The following ACOXL variants were observed in gnomAD, a reference collection of about 807,000 sequenced individuals.
The protein encoded by ACOXL is acyl-CoA oxidase like.
ACOXL carries 70 observed loss-of-function variants against 71.9 expected under a neutral mutation model. The observed-to-expected ratio is 0.97, with a 90% CI of 0.80 to 1.19. The LOEUF is 1.19. ACOXL is among the 50% of genes most tolerant of loss of function. The probability of loss-of-function intolerance (pLI) is 0.00; values close to 1 mark genes in which losing one functional copy is unlikely to be tolerated. For missense variants in ACOXL, 703 were observed against 736.3 expected (o/e 0.95, Z 0.52); for synonymous variants, 253 against 281.6 (o/e 0.90, Z 1.02).
intron 17 of ACOXL, among the ~76,000 whole-genome samples, chr2:111,107,718 T>C (rs1363410468): frequency 6.6e-6 from 1 of 152,220 alleles, no homozygotes; most frequent in African/African-American, 2.4e-5. Flanking sequence ...GAACTCCCGA[T>C]CTCATGTGAT....
At chr2:110,953,512 A>G (rs2341917) in intron 12 of ACOXL, among the ~76,000 whole-genome samples, 18,133 of 152,030 alleles carry the variant, frequency 0.12, 1,240 homozygotes, top group Middle Eastern at 0.17. Flanking sequence ...CCAATAGATC[A>G]AGCTTCTTAG....
chr2:111,055,524 C>T (rs1183724897), intron 16 of ACOXL, among the ~76,000 whole-genome samples: 1 of 152,234 alleles, frequency 6.6e-6, no homozygotes, highest in African/African-American at 2.4e-5. Flanking sequence ...TCATCTTGGC[C>T]CCATGCCATT....
intron 13 of ACOXL, among the ~76,000 whole-genome samples, chr2:110,994,839 G>A (rs13405936): frequency 0.073 from 11,114 of 152,000 alleles, 1,347 homozygotes; most frequent in African/African-American, 0.25. Flanking sequence ...TTCCCTCCAG[G>A]GTGCCTCTTG....
intron 12 of ACOXL, among the ~76,000 whole-genome samples, chr2:110,958,647 C>T (rs2061590322): frequency 6.6e-6 from 1 of 152,232 alleles, no homozygotes; most frequent in East Asian, 1.9e-4. Context: ...ATCCCCAGGG[C>T]ACTGAGGGAT....
At chr2:111,043,606 C>T (rs2065884688) in intron 15 of ACOXL, among the ~76,000 whole-genome samples, 1 of 152,138 alleles carries the variant, frequency 6.6e-6, no homozygotes, top group South Asian at 2.1e-4. Flanking sequence ...TGGCCAGGAG[C>T]CTCAGATATG....
chr2:110,936,803 G>A (rs527721855), intron 12 of ACOXL, among the ~76,000 whole-genome samples: 146 of 152,006 alleles, frequency 9.6e-4, no homozygotes, highest in African/African-American at 3.2e-3. Context: ...CTTGGCACAA[G>A]GATGTGTTCA....
chr2:110,809,834 G>A (rs901693076), intron 9 of ACOXL, among the ~76,000 whole-genome samples: 17 of 152,188 alleles, frequency 1.1e-4, no homozygotes, highest in African/African-American at 3.4e-4. Flanking sequence ...CCTTCTCACC[G>A]CACATGGAGT....
chr2:110,922,246 G>C (rs1006413502), intron 11 of ACOXL, among the ~76,000 whole-genome samples: 1 of 152,086 alleles, frequency 6.6e-6, no homozygotes, highest in Non-Finnish European at 1.5e-5. Context: ...TACACATGCA[G>C]GTAGCTTCCT....
intron 11 of ACOXL, among the ~76,000 whole-genome samples, chr2:110,916,157 C>T (rs2059851364): frequency 6.6e-6 from 1 of 151,588 alleles, no homozygotes; most frequent in South Asian, 2.1e-4. Context: ...AATAATATTT[C>T]CTTATTATAA....
At chr2:110,994,997 G>A (rs933998788) in intron 13 of ACOXL, among the ~76,000 whole-genome samples, 3 of 151,834 alleles carry the variant, frequency 2.0e-5, no homozygotes, top group Admixed American at 2.0e-4. Flanking sequence ...CGAGAAAATT[G>A]AATAATTCAC....
intron 17 of ACOXL, among the ~76,000 whole-genome samples, chr2:111,095,237 A>AC (rs1558963838): frequency 4.0e-5 from 6 of 150,698 alleles, no homozygotes; most frequent in Non-Finnish European, 1.5e-5. Flanking sequence ...AAAAAAAAAA[A>AC]CCTACATAAG....
At chr2:110,990,952 A>G (rs1178879778) in intron 13 of ACOXL, among the ~76,000 whole-genome samples, 1 of 152,126 alleles carries the variant, frequency 6.6e-6, no homozygotes, top group Non-Finnish European at 1.5e-5. Context: ...CCATTCTTGT[A>G]CATGCCTGAT....
intron 1 of ACOXL, among the ~76,000 whole-genome samples, chr2:110,758,377 T>C (rs1679968492): frequency 6.6e-6 from 1 of 152,222 alleles, no homozygotes; most frequent in Non-Finnish European, 1.5e-5. Flanking sequence ...TTATCTGGGC[T>C]CCTTTTTGGT....
chr2:110,963,638 A>T lies in ACOXL; in HGVS notation c.1060-23470A>T, dbSNP rs1179131686. The T allele has an allele frequency of 2.5e-6, 4 of 1,613,572 alleles. No homozygotes were observed. In the South Asian group the frequency reaches 4.4e-5, roughly 18 times the overall value. ...TTCTGCAACAGGGTTACATGATGGA[A>T]AATCGAATCTCAGGCTTAAAGTGTG... is the stretch of plus-strand genomic sequence containing the variant. On this transcript the variant is annotated intron_variant, in intron 12 of 17. Coordinates refer to ENST00000439055, the MANE Select transcript of ACOXL (RefSeq NM_001142807.4).
intron 10 of ACOXL, among the ~76,000 whole-genome samples, chr2:110,884,406 GA>G (rs1697050611): frequency 6.6e-6 from 1 of 152,166 alleles, no homozygotes; most frequent in Admixed American, 6.5e-5. Flanking sequence ...GGGAGACTAG[GA>G]TTCCCTTCTT....
At chr2:110,764,143 A>C (rs1443591721) in intron 1 of ACOXL, among the ~76,000 whole-genome samples, 3 of 152,248 alleles carry the variant, frequency 2.0e-5, no homozygotes, top group Non-Finnish European at 4.4e-5. Flanking sequence ...CATATGGTCC[A>C]GTAGTCATTT....
intron 5 of ACOXL, among the ~76,000 whole-genome samples, chr2:110,797,214 C>T (rs1300418902): frequency 1.3e-5 from 2 of 152,274 alleles, no homozygotes; most frequent in South Asian, 2.1e-4. Context: ...AGTTTTGAGC[C>T]GAGCCTGAGA....
chr2:110,886,012 A>G (rs1697238755), intron 10 of ACOXL, among the ~76,000 whole-genome samples: 1 of 152,192 alleles, frequency 6.6e-6, no homozygotes, highest in Non-Finnish European at 1.5e-5. Context: ...AATGTAAATC[A>G]ATGTCTTTTA....
intron 1 of ACOXL, among the ~76,000 whole-genome samples, chr2:110,737,780 G>A (rs1433715784): frequency 6.6e-6 from 1 of 152,152 alleles, no homozygotes; most frequent in Non-Finnish European, 1.5e-5. Context: ...GTCCGGATGG[G>A]CTCTTCCTGC....
Sources: allele counts gnomAD v4.1 joint callset (sites outside exome capture counted in the v4.1 genomes callset), GRCh38; gene constraint gnomAD v4.1.1; transcripts MANE v1.5; gene names NCBI Gene and HGNC (gene_info 2026-07-23, HGNC 2026-07-21).